KIF4A: variants seen among roughly 807,000 people sequenced by gnomAD.
KIF4A encodes the protein chromosome-associated kinesin KIF4A.
Under a neutral mutation model 105.9 loss-of-function variants are expected in KIF4A, and 7 were observed. That is an observed-to-expected ratio of 0.07 (90% CI 0.04 to 0.12). The LOEUF (loss-of-function observed/expected upper bound fraction) is 0.12. Among genes scored for constraint, KIF4A ranks in the 10% least tolerant of loss-of-function variants. The pLI is 1.00. For synonymous variants in KIF4A, 281 were observed against 331.3 expected, an observed-to-expected ratio of 0.85 and a Z score of 1.65; for missense variants, 558 against 929.2, an observed-to-expected ratio of 0.60 and a Z score of 5.19.
At chrX:70,298,953 T>C (rs2085794197) in intron 4 of KIF4A, among the ~76,000 whole-genome samples, 160 bp from the exon 5 acceptor site, 1 of 112,690 alleles carries the variant, frequency 8.9e-6, no homozygotes, top group Admixed American at 9.4e-5. Flanking sequence ...TATAGGGTTA[T>C]GGTCCTTTTC....
chrX:70,341,443 A>G (rs1396245083), intron 10 of KIF4A, among the ~76,000 whole-genome samples: 4 of 111,712 alleles, frequency 3.6e-5, no homozygotes, highest in African/African-American at 1.3e-4. Flanking sequence ...GGGACAGAAC[A>G]TGTATTTTAG....
In KIF4A at chrX:70,296,493, A is replaced by G. The variant is rs1287318199; in HGVS notation, c.236-505A>G. ...GTAAGCAGCCTGATAATATGGTTCAAATGCATTCTGAGAGTTCAGATATGA... is the reference window on the plus strand; with the variant it reads ...GTAAGCAGCCTGATAATATGGTTCAGATGCATTCTGAGAGTTCAGATATGA... On this transcript the variant is annotated intron_variant, in intron 3 of 30. Transcript: ENST00000374403. Among the ~76,000 whole-genome samples, 3 of 112,536 alleles carry G rather than the reference A, an allele frequency of 2.7e-5. No homozygotes were observed. In the Admixed American group the frequency reaches 2.8e-4, roughly 11 times the overall value.
At chrX:70,301,877 A>G (rs759850769) in intron 5 of KIF4A, 23 bp from the exon 6 acceptor site, 9 of 1,201,185 alleles carry the variant, frequency 7.5e-6, no homozygotes, top group Non-Finnish European at 1.0e-5. Context: ...ATCATAAGGG[A>G]ATTTTCTCTT....
intron 5 of KIF4A, 90 bp from the exon 6 acceptor site, chrX:70,301,810 A>C (rs779521430): frequency 2.4e-4 from 243 of 1,015,668 alleles, no homozygotes; most frequent in Non-Finnish European, 3.1e-4. Context: ...CTAGACTATC[A>C]AGGCATTTTT....
At chrX:70,358,369 G>A (rs1466501635) in intron 15 of KIF4A, among the ~76,000 whole-genome samples, 2 of 110,672 alleles carry the variant, frequency 1.8e-5, no homozygotes, top group African/African-American at 6.6e-5. Context: ...TCAGATATTG[G>A]ACCTCTTAGA....
chrX:70,326,983 G>A (rs1216523665), intron 7 of KIF4A, among the ~76,000 whole-genome samples: 1 of 111,959 alleles, frequency 8.9e-6, no homozygotes, highest in Non-Finnish European at 1.9e-5. Flanking sequence ...CTGGAATTTT[G>A]TTTTGCTCCT....
chrX:70,323,130 C>G (rs1376385197), intron 7 of KIF4A, among the ~76,000 whole-genome samples: 4 of 110,952 alleles, frequency 3.6e-5, no homozygotes, highest in Non-Finnish European at 7.5e-5. Context: ...ATTCTGTTCT[C>G]TCTGCGAAAT....
chrX:70,386,874 T>C (rs1179481330), intron 19 of KIF4A, among the ~76,000 whole-genome samples, 173 bp downstream of exon 19: 1 of 112,046 alleles, frequency 8.9e-6, no homozygotes, highest in Non-Finnish European at 1.9e-5. Context: ...AGATAAAAAC[T>C]TGATGAAAAA....
chrX:70,395,045 A>G (rs1365599411), intron 20 of KIF4A, among the ~76,000 whole-genome samples: 1 of 112,216 alleles, frequency 8.9e-6, no homozygotes, highest in African/African-American at 3.2e-5. Flanking sequence ...CAGCAGTTCA[A>G]GACCAGCCTG....
chrX:70,410,197 A>T (rs2086316480), intron 28 of KIF4A, among the ~76,000 whole-genome samples: 1 of 111,880 alleles, frequency 8.9e-6, no homozygotes, highest in African/African-American at 3.3e-5. Flanking sequence ...CAGACATATT[A>T]CCTGTAGAAC....
intron 10 of KIF4A, among the ~76,000 whole-genome samples, chrX:70,338,707 CTGT>C (rs920060609): frequency 1.3e-4 from 15 of 111,740 alleles, no homozygotes; most frequent in African/African-American, 4.9e-4. Flanking sequence ...AACTGCCAAA[CTGT>C]TTTCCAAAGT....
intron 7 of KIF4A, among the ~76,000 whole-genome samples, chrX:70,322,381 G>A (rs755240865): frequency 9.2e-6 from 1 of 108,405 alleles, no homozygotes; most frequent in Non-Finnish European, 1.9e-5. Flanking sequence ...GCGCAATCTC[G>A]GCTCATTGCA....
intron 14 of KIF4A, among the ~76,000 whole-genome samples, chrX:70,353,242 C>T (rs1053348289): frequency 2.7e-5 from 3 of 111,997 alleles, no homozygotes; most frequent in African/African-American, 9.7e-5. Flanking sequence ...AAGGAAAATA[C>T]TAGGTCAGGT....
chrX:70,397,148 A>T (rs1167135362), intron 22 of KIF4A, among the ~76,000 whole-genome samples: 10 of 111,582 alleles, frequency 9.0e-5, no homozygotes, highest in Admixed American at 8.6e-4. Context: ...AGGCAGGCAG[A>T]TCACGAGGTC....
chrX:70,411,448 A>G (rs753999506), intron 28 of KIF4A, among the ~76,000 whole-genome samples: 41 of 108,589 alleles, frequency 3.8e-4, no homozygotes, highest in African/African-American at 1.4e-3. Flanking sequence ...AGCATCACTT[A>G]CCAATCCTGG....
intron 7 of KIF4A, among the ~76,000 whole-genome samples, chrX:70,306,576 G>C (rs1386362109): frequency 1.8e-5 from 2 of 110,429 alleles, no homozygotes; most frequent in Non-Finnish European, 3.8e-5. Flanking sequence ...TCACTCTGTT[G>C]CCCAGGCTGG....
intron 28 of KIF4A, among the ~76,000 whole-genome samples, chrX:70,409,001 G>A (rs1378434121): frequency 9.0e-6 from 1 of 111,679 alleles, no homozygotes. Context: ...GAGTGGCTGG[G>A]ATTACAGGTG....
chrX:70,396,707 A>G (rs1244083637), intron 22 of KIF4A, among the ~76,000 whole-genome samples: 3 of 112,395 alleles, frequency 2.7e-5, no homozygotes, highest in African/African-American at 9.7e-5. Flanking sequence ...TAGTTCTAAC[A>G]TGGTAAGTAA....
chrX:70,380,793 A>G (rs1347558173), intron 18 of KIF4A, among the ~76,000 whole-genome samples: 2 of 112,304 alleles, frequency 1.8e-5, no homozygotes, highest in African/African-American at 6.5e-5. Context: ...AGAATCCACT[A>G]AAAGTCTATT....
Sources: gnomAD v4.1 joint callset for allele counts (sites outside exome capture counted in the v4.1 genomes callset) on GRCh38, gnomAD v4.1.1 for gene constraint, MANE v1.5 for transcripts, NCBI Gene and HGNC (gene_info 2026-07-23, HGNC 2026-07-21) for gene names.